The following MYO1B variants were observed in gnomAD, a reference collection of about 807,000 sequenced individuals.
MYO1B encodes unconventional myosin-Ib.
A neutral mutation model predicts 159.7 loss-of-function variants in MYO1B; 72 were observed. The observed-to-expected ratio is 0.45, with a 90% CI of 0.37 to 0.55. MYO1B has a LOEUF of 0.55. Ranked by LOEUF, MYO1B falls within the 20% of genes least tolerant of loss-of-function variation. The pLI, the probability that MYO1B is intolerant of heterozygous loss-of-function variation, is 0.00. For synonymous variants in MYO1B, 468 were observed against 473.8 expected (o/e 0.99, Z 0.16); for missense variants, 1,062 against 1,364.8 (o/e 0.78, Z 3.50).
At chr2:191,390,619 C>T in intron 18 of MYO1B, 127 bp downstream of exon 18, 2 of 1,100,074 alleles carry the variant, frequency 1.8e-6, no homozygotes, top group African/African-American at 1.6e-5. Flanking sequence ...TGTTTTGGAC[C>T]TTCTTCCATT....
chr2:191,386,610 A>G (rs936723250), intron 16 of MYO1B, among the ~76,000 whole-genome samples: 3 of 152,190 alleles, frequency 2.0e-5, no homozygotes, highest in Non-Finnish European at 4.4e-5. Flanking sequence ...ATTAATCTTT[A>G]GAATCCTGAA....
chr2:191,309,621 C>T (rs967627558), intron 3 of MYO1B, among the ~76,000 whole-genome samples: 38 of 152,196 alleles, frequency 2.5e-4, no homozygotes, highest in African/African-American at 9.2e-4. Context: ...ACTTCTCACC[C>T]TCTCTTCCCC....
At chr2:191,342,977 G>A (rs1692320598) in intron 5 of MYO1B, among the ~76,000 whole-genome samples, 1 of 152,162 alleles carries the variant, frequency 6.6e-6, no homozygotes, top group African/African-American at 2.4e-5. Context: ...GGTGGAGTAA[G>A]GTTTCTCAGC....
intron 13 of MYO1B, chr2:191,379,405 T>G (rs562462735): frequency 1.3e-5 from 2 of 152,770 alleles, no homozygotes; most frequent in African/African-American, 4.8e-5. Context: ...CATACAGGAA[T>G]TTTTAAAGGT....
At position 191,258,343 on chromosome 2, in the gene MYO1B, C is replaced by A. The variant is rs554574164; in HGVS notation, c.-10+12717C>A. Among the ~76,000 whole-genome samples the A allele has an allele frequency of 4.6e-5, 7 of 152,284 alleles. No homozygotes were observed. The South Asian group carries it at 1.5e-3, about 32-fold the overall frequency. On this transcript the variant is annotated intron_variant, in intron 1 of 30. Transcript: ENST00000392318. ...GGTATAAAAGATAAAAAATGTTACA[C>A]CTCTCTAGGGCACTTATGAATAGAG...
intron 17 of MYO1B, 153 bp downstream of exon 17, chr2:191,387,603 A>C (rs575629772): frequency 9.9e-5 from 69 of 700,372 alleles, no homozygotes; most frequent in Non-Finnish European, 1.3e-4. Context: ...ATTGGCTTAA[A>C]AAATGCTCCA....
chr2:191,338,871 T>G (rs144714767), intron 4 of MYO1B, among the ~76,000 whole-genome samples: 1 of 152,312 alleles, frequency 6.6e-6, no homozygotes. Flanking sequence ...TGTGAGTGTG[T>G]ATTTGTGTGT....
At chr2:191,317,433 C>G (rs1195221535) in intron 3 of MYO1B, among the ~76,000 whole-genome samples, 1 of 152,160 alleles carries the variant, frequency 6.6e-6, no homozygotes, top group East Asian at 1.9e-4. Context: ...CAAGAACTAG[C>G]AAGGGCCTGC....
At chr2:191,290,599 A>G (rs1688633529) in intron 2 of MYO1B, among the ~76,000 whole-genome samples, 1 of 152,228 alleles carries the variant, frequency 6.6e-6, no homozygotes, top group South Asian at 2.1e-4. Context: ...TTTATCTTGT[A>G]TATGTGTGTG....
rs757177733 is a variant in MYO1B at position 191,402,764 on chromosome 2, G to A, written c.2556+46G>A. On this transcript the variant is annotated intron_variant, in intron 24 of 30. Transcript: ENST00000392318. The stretch of plus-strand genomic sequence containing the variant: ...TTCTGTCCAGGGTGAACTTCATAAA[G>A]CCTAGCACCTACTAACCCTGAGAAA... 6 of 1,444,830 alleles carry A rather than the reference G, an allele frequency of 4.2e-6. No individual in the cohort carries two copies. The Admixed American group carries it at 5.9e-5, about 14-fold the overall frequency. 89.5% of individuals were successfully genotyped at this position (1,444,830 alleles called of 1,614,324 possible).
chr2:191,387,208 C>A lies in MYO1B; in HGVS notation c.1555-16C>A. The A allele has an allele frequency of 6.2e-7, 1 of 1,605,740 alleles. No homozygotes were observed. The highest frequency in any genetic ancestry group is 8.5e-7 in the Non-Finnish European group (1 of 1,173,762). On this transcript the variant is annotated splice_polypyrimidine_tract_variant and intron_variant, in intron 16 of 30. Coordinates refer to ENST00000392318, the MANE Select transcript of MYO1B (RefSeq NM_001130158.3). ...ATGCAATGTGCCTGTCATTGAGTTA[C>A]ATGTGCTGCTTATAGGTGCTGTACC...
chr2:191,268,321 C>T (rs1282248654), intron 1 of MYO1B, among the ~76,000 whole-genome samples: 2 of 152,138 alleles, frequency 1.3e-5, no homozygotes, highest in South Asian at 2.1e-4. Context: ...AGAGCGAACC[C>T]TGGTTTCTTT....
At chr2:191,350,316 G>A (rs573701111) in intron 7 of MYO1B, 91 bp downstream of exon 7, 10 of 884,828 alleles carry the variant, frequency 1.1e-5, no homozygotes, top group South Asian at 3.4e-5. Flanking sequence ...TGTCTTTGAG[G>A]CATAAGAATA....
At chr2:191,417,761 C>T (rs945734375) in intron 30 of MYO1B, among the ~76,000 whole-genome samples, 1 of 152,188 alleles carries the variant, frequency 6.6e-6, no homozygotes, top group Non-Finnish European at 1.5e-5. Context: ...AATCTTTCTT[C>T]ACTACATTAC....
intron 6 of MYO1B, among the ~76,000 whole-genome samples, chr2:191,349,006 A>G (rs911594805): frequency 6.6e-6 from 1 of 152,014 alleles, no homozygotes; most frequent in African/African-American, 2.4e-5. Flanking sequence ...ATACTTTGCA[A>G]TTAAGATGGG....
Position 191,387,283 on chromosome 2 carries a change from G to T in MYO1B, c.1614G>T (p.Leu538=). 1 of 1,614,116 alleles carries T rather than the reference G, an allele frequency of 6.2e-7. No homozygotes were observed. The highest frequency in any genetic ancestry group is 8.5e-7 in the Non-Finnish European group (1 of 1,180,028). ...ACAATGACCTTCTCTATCGAGACCTGTCCCAAGCCATGTGGAAGGCCAGCC... is the reference window on the plus strand; with the variant it reads ...ACAATGACCTTCTCTATCGAGACCTTTCCCAAGCCATGTGGAAGGCCAGCC... ...DKNNDLLYRD[L]SQAMWKASHA... The change falls in exon 17 of 31, where the codon CTG becomes CTT. Residue 538 remains leucine, a synonymous_variant. Transcript: ENST00000392318.
intron 6 of MYO1B, among the ~76,000 whole-genome samples, chr2:191,347,019 T>C (rs892767470): frequency 1.3e-5 from 2 of 152,192 alleles, no homozygotes; most frequent in Non-Finnish European, 2.9e-5. Flanking sequence ...TGTTTTGAAA[T>C]TGATGTATAC....
In MYO1B at chr2:191,371,457, A is replaced by G. The variant is rs181993391; in HGVS notation, c.1185+1165A>G. ...AAGCACTGTGGTAAGTGGTGTGTGT[A>G]TGGTCTGATTTACTTTTCAAAACAG... is the stretch of plus-strand genomic sequence containing the variant. On this transcript the variant is annotated intron_variant, in intron 13 of 30. Transcript: ENST00000392318. Among the ~76,000 whole-genome samples the G allele has an allele frequency of 3.6e-3, 544 of 152,264 alleles. 2 individuals are homozygous for G. The highest frequency in any genetic ancestry group is 0.013 in the African/African-American group (525 of 41,558).
At chr2:191,413,502 T>G (rs1339731865) in intron 27 of MYO1B, among the ~76,000 whole-genome samples, 1 of 152,198 alleles carries the variant, frequency 6.6e-6, no homozygotes, top group African/African-American at 2.4e-5. Flanking sequence ...CATGTTAATA[T>G]TAAGTGTTCT....
Sources: gnomAD v4.1 joint callset for allele counts (sites outside exome capture counted in the v4.1 genomes callset) on GRCh38, gnomAD v4.1.1 for gene constraint, MANE v1.5 for transcripts, NCBI Gene and HGNC (gene_info 2026-07-23, HGNC 2026-07-21) for gene names.